Variants in CNBD1 observed in about 807,000 individuals in gnomAD.
CNBD1 encodes cyclic nucleotide binding domain containing 1, also known as cyclic nucleotide-binding domain-containing protein 1.
Under a neutral mutation model 54.4 loss-of-function variants are expected in CNBD1, and 71 were observed. The observed-to-expected ratio is 1.30, with a 90% CI of 1.08 to 1.59. The LOEUF is 1.59. Ranked by LOEUF, CNBD1 falls within the 40% of genes most tolerant of loss-of-function variation. The pLI, the probability that CNBD1 is intolerant of heterozygous loss-of-function variation, is 0.00. For missense variants in CNBD1, 659 were observed against 518.0 expected, an observed-to-expected ratio of 1.27 and a Z score of -2.64; for synonymous variants, 182 against 170.7, an observed-to-expected ratio of 1.07 and a Z score of -0.51.
At chr8:87,144,764 T>A (rs530055361) in intron 4 of CNBD1, among the ~76,000 whole-genome samples, 1 of 146,760 alleles carries the variant, frequency 6.8e-6, no homozygotes. Flanking sequence ...GAGCTTGCAG[T>A]GAGCCAAATT....
intron 6 of CNBD1, among the ~76,000 whole-genome samples, chr8:87,247,761 G>A (rs533559084): frequency 6.6e-6 from 1 of 152,242 alleles, no homozygotes; most frequent in East Asian, 1.9e-4. Flanking sequence ...ATAGAGTTAC[G>A]TGAACAGATG....
chr8:87,266,755 A>G (rs999194424), intron 6 of CNBD1, among the ~76,000 whole-genome samples: 2 of 152,004 alleles, frequency 1.3e-5, no homozygotes, highest in Non-Finnish European at 2.9e-5. Context: ...CCCAGCCACA[A>G]AAGAACTCGA....
chr8:86,923,513 A>C (rs933057648), intron 3 of CNBD1, among the ~76,000 whole-genome samples: 1 of 152,122 alleles, frequency 6.6e-6, no homozygotes, highest in Non-Finnish European at 1.5e-5. Flanking sequence ...CCCTAGACCC[A>C]GGTGTTTTCC....
At chr8:87,048,318 G>T (rs887674912) in intron 4 of CNBD1, among the ~76,000 whole-genome samples, 1 of 152,132 alleles carries the variant, frequency 6.6e-6, no homozygotes, top group Admixed American at 6.6e-5. Context: ...AAAATCATTG[G>T]TAAGAAAAGG....
intron 2 of CNBD1, among the ~76,000 whole-genome samples, chr8:87,403,891 A>G (rs1392990399): frequency 6.6e-6 from 1 of 152,046 alleles, no homozygotes; most frequent in Admixed American, 6.6e-5. Context: ...GACCCAATCT[A>G]TGAAAGCCAC....
chr8:87,094,165 C>T (rs766888909), intron 4 of CNBD1, among the ~76,000 whole-genome samples: 20 of 152,096 alleles, frequency 1.3e-4, no homozygotes, highest in Non-Finnish European at 2.9e-4. Context: ...TTGAGATAAG[C>T]AAACAGACTA....
At chr8:87,390,249 G>A (rs191451665) in intron 2 of CNBD1, among the ~76,000 whole-genome samples, 2,849 of 152,154 alleles carry the variant, frequency 0.019, 92 homozygotes, top group African/African-American at 0.062. Flanking sequence ...TTGACAAATG[G>A]GATCTAAGTA....
At chr8:87,012,072 A>G (rs1470538543) in intron 4 of CNBD1, among the ~76,000 whole-genome samples, 1 of 152,226 alleles carries the variant, frequency 6.6e-6, no homozygotes, top group African/African-American at 2.4e-5. Flanking sequence ...GTTGTAGGAC[A>G]AGTTCATTGT....
intron 4 of CNBD1, among the ~76,000 whole-genome samples, chr8:86,989,617 A>AT (rs1456434571): frequency 6.6e-6 from 1 of 151,714 alleles, no homozygotes; most frequent in Non-Finnish European, 1.5e-5. Flanking sequence ...TGCCCAGCTA[A>AT]TTTTTTGTAT....
chr8:87,082,653 CTGTGTG>C (rs372062301), intron 4 of CNBD1, among the ~76,000 whole-genome samples: 1 of 149,422 alleles, frequency 6.7e-6, no homozygotes, highest in South Asian at 2.1e-4. Flanking sequence ...CAACTGAACC[CTGTGTG>C]TGTGTGTGTG....
chr8:86,911,873 A>G (rs1809105209), intron 3 of CNBD1, among the ~76,000 whole-genome samples: 1 of 152,170 alleles, frequency 6.6e-6, no homozygotes, highest in Non-Finnish European at 1.5e-5. Context: ...ATAGACACAA[A>G]AATTGTAAAA....
Position 87,000,632 on chromosome 8 carries a change from T to C in CNBD1, c.431+60878T>C, listed in dbSNP as rs534774864. Among the ~76,000 whole-genome samples the C allele has an allele frequency of 3.9e-5, 6 of 152,324 alleles. No individual in the cohort carries two copies. The South Asian group carries it at 1.2e-3, about 32-fold the overall frequency. ...AGGTTTGGCCCATGATAACATTAAA[T>C]GTTAGATATTATGCCTGGGAATATA... On this transcript the variant is annotated intron_variant, in intron 4 of 10. Transcript: ENST00000518476.
At chr8:86,872,202 T>G (rs1648286398) in intron 1 of CNBD1, among the ~76,000 whole-genome samples, 1 of 152,186 alleles carries the variant, frequency 6.6e-6, no homozygotes, top group Non-Finnish European at 1.5e-5. Flanking sequence ...ATCATAATCT[T>G]CACCATATTG....
In CNBD1 at chr8:87,334,595, A is replaced by C. The variant is rs1273081848; in HGVS notation, c.1043-17090A>C. On this transcript the variant is annotated intron_variant, in intron 8 of 10. Coordinates refer to ENST00000518476, the MANE Select transcript of CNBD1 (RefSeq NM_173538.3). ...ATGTTTTTCTGTTTTTATTTGTTTC[A>C]AAGAACTTGATTTCTGCCTTAATTT... is the stretch of plus-strand genomic sequence containing the variant. Among the ~76,000 whole-genome samples, 3 of 152,088 alleles carry C rather than the reference A, an allele frequency of 2.0e-5. No homozygotes were observed. The East Asian group carries it at 5.8e-4, about 29-fold the overall frequency.
At chr8:87,419,171 TAAC>T (rs1259312496) in intron 2 of CNBD1, among the ~76,000 whole-genome samples, 9 of 152,018 alleles carry the variant, frequency 5.9e-5, no homozygotes, top group South Asian at 4.1e-4. Context: ...AATCTTAAAA[TAAC>T]AAAGTCATTC....
chr8:87,099,298 A>G (rs1563468325), intron 4 of CNBD1, among the ~76,000 whole-genome samples: 1 of 152,176 alleles, frequency 6.6e-6, no homozygotes, highest in Non-Finnish European at 1.5e-5. Flanking sequence ...AGATGTCACC[A>G]GAGGCCTCTG....
intron 4 of CNBD1, among the ~76,000 whole-genome samples, chr8:86,985,438 T>C (rs1808585548): frequency 6.6e-6 from 1 of 152,190 alleles, no homozygotes; most frequent in Non-Finnish European, 1.5e-5. Context: ...TTTACATCCA[T>C]GTATACTCAA....
rs150819293 is a variant in CNBD1, at chr8:86,965,978, C to T, written c.431+26224C>T. ...CCTCTCTGCAGCTGGTCCTCCTGTC[C>T]TGTCTCTGCCTTCTTCATCCTCTGG... On this transcript the variant is annotated intron_variant, in intron 4 of 10. Transcript: ENST00000518476. Among the ~76,000 whole-genome samples the T allele has an allele frequency of 3.8e-3, 580 of 152,240 alleles. 4 individuals are homozygous for T. The highest frequency in any genetic ancestry group is 0.013 in the African/African-American group (544 of 41,552).
Position 87,351,757 on chromosome 8 carries a change from G to C in CNBD1, c.1115G>C (p.Ser372Thr). 1 of 1,523,080 alleles carries C rather than the reference G, an allele frequency of 6.6e-7. No individual in the cohort carries two copies. 94.3% of individuals were successfully genotyped at this position (1,523,080 alleles called of 1,614,324 possible). ...TCTGGATGCTGTAACATTTATAGAA[G>C]TATTATAGGATTTGTGAAACTACGA... is the stretch of plus-strand genomic sequence containing the variant. ...INSGCCNIYRSIIGFVKLRSN... is the reference protein window; with the variant it reads ...INSGCCNIYRTIIGFVKLRSN... Residue 372 changes from serine to threonine, a missense_variant, in exon 9 of 11, where the codon AGT becomes ACT. By Grantham distance (58) the Ser-to-Thr change is moderately conservative. Coordinates refer to ENST00000518476, the MANE Select transcript of CNBD1 (RefSeq NM_173538.3).
Sources: allele counts gnomAD v4.1 joint callset (sites outside exome capture counted in the v4.1 genomes callset), GRCh38; gene constraint gnomAD v4.1.1; transcripts MANE v1.5; gene names NCBI Gene and HGNC (gene_info 2026-07-23, HGNC 2026-07-21).